Variants in LMO7 observed in about 807,000 individuals in gnomAD.
LMO7 encodes LIM domain 7, also known as LIM domain only protein 7.
LMO7 carries 120 observed loss-of-function variants against 206.5 expected under a neutral mutation model. The ratio of observed to expected loss-of-function variants is 0.58; its 90% confidence interval spans 0.50 to 0.68. The LOEUF (loss-of-function observed/expected upper bound fraction) is 0.68. LMO7 is among the 30% of genes least tolerant of loss of function. The pLI, the probability that LMO7 is intolerant of heterozygous loss-of-function variation, is 0.00. For synonymous variants in LMO7, 706 were observed against 681.5 expected, an observed-to-expected ratio of 1.04 and a Z score of -0.56; for missense variants, 1,959 against 1,957.9, an observed-to-expected ratio of 1.00 and a Z score of -0.01.
chr13:75,804,702 C>A, intron 8 of LMO7, 161 bp downstream of exon 8: 1 of 1,083,858 alleles, frequency 9.2e-7, no homozygotes, highest in Non-Finnish European at 1.3e-6. Context: ...TTATACATAT[C>A]TTGAAGCCAT....
chr13:75,648,354 G>A (rs940579719), intron 1 of LMO7, among the ~76,000 whole-genome samples: 1 of 152,184 alleles, frequency 6.6e-6, no homozygotes, highest in African/African-American at 2.4e-5. Flanking sequence ...TGAGAAAAGA[G>A]AGGTTCAGAG....
chr13:75,797,963 A>G (rs1266943714), intron 6 of LMO7, among the ~76,000 whole-genome samples: 1 of 152,222 alleles, frequency 6.6e-6, no homozygotes, highest in Non-Finnish European at 1.5e-5. Context: ...AGGTGAGCAT[A>G]TTGGTCACTG....
At chr13:75,812,366 T>C (rs2056497121) in intron 11 of LMO7, among the ~76,000 whole-genome samples, 1 of 152,244 alleles carries the variant, frequency 6.6e-6, no homozygotes, top group African/African-American at 2.4e-5. Flanking sequence ...AGAATTCCTA[T>C]AGTACCTGAT....
At chr13:75,723,225 A>G (rs1002024362) in intron 2 of LMO7, among the ~76,000 whole-genome samples, 73 of 152,324 alleles carry the variant, frequency 4.8e-4, no homozygotes, top group African/African-American at 1.7e-3. Context: ...ATTGCTCTTT[A>G]ATTTGTGAAC....
intron 1 of LMO7, among the ~76,000 whole-genome samples, chr13:75,705,061 G>A (rs1331146335): frequency 6.6e-6 from 1 of 152,216 alleles, no homozygotes; most frequent in African/African-American, 2.4e-5. Flanking sequence ...GTTTGGCAGA[G>A]GTGTTGGTGC....
chr13:75,633,722 A>T (rs1366567549), upstream of LMO7, among the ~76,000 whole-genome samples: 1 of 152,216 alleles, frequency 6.6e-6, no homozygotes, highest in African/African-American at 2.4e-5. Context: ...AGTCAGCTGT[A>T]AAAGACATTT....
intron 3 of LMO7, among the ~76,000 whole-genome samples, chr13:75,756,731 AT>A (rs1274071133): frequency 6.6e-6 from 1 of 152,222 alleles, no homozygotes; most frequent in Non-Finnish European, 1.5e-5. Flanking sequence ...GTTCACTGAC[AT>A]TCAAGTTGAG....
At chr13:75,763,384 G>A (rs957625427) in intron 4 of LMO7, among the ~76,000 whole-genome samples, 1 of 152,244 alleles carries the variant, frequency 6.6e-6, no homozygotes, top group African/African-American at 2.4e-5. Flanking sequence ...AAATAGTCAT[G>A]TGGAAATGAA....
At chr13:75,824,797 C>T (rs1317934330) in intron 15 of LMO7, among the ~76,000 whole-genome samples, 2 of 151,618 alleles carry the variant, frequency 1.3e-5, no homozygotes, top group Non-Finnish European at 2.9e-5. Context: ...TATGACTTGT[C>T]CTAAGTTATA....
At chr13:75,691,397 C>T (rs2041463489) in intron 1 of LMO7, among the ~76,000 whole-genome samples, 1 of 152,188 alleles carries the variant, frequency 6.6e-6, no homozygotes, top group Admixed American at 6.5e-5. Flanking sequence ...CTTGGCCTGA[C>T]TTAACAGTAA....
intron 4 of LMO7, among the ~76,000 whole-genome samples, chr13:75,766,886 G>A (rs1441021415): frequency 3.9e-5 from 6 of 152,014 alleles, no homozygotes; most frequent in Non-Finnish European, 1.5e-5. Context: ...TTAAAACCAG[G>A]CTTTGAAGAT....
At chr13:75,825,649 T>TA (rs1344463672) in intron 15 of LMO7, among the ~76,000 whole-genome samples, 1 of 152,192 alleles carries the variant, frequency 6.6e-6, no homozygotes, top group African/African-American at 2.4e-5. Context: ...TGTGGTGACT[T>TA]ACGTATCTCT....
chr13:75,665,356 TATATTATGG>T (rs1275537588), intron 1 of LMO7, among the ~76,000 whole-genome samples: 1 of 152,114 alleles, frequency 6.6e-6, no homozygotes, highest in Non-Finnish European at 1.5e-5. Flanking sequence ...ATTTTTTAAA[TATATTATGG>T]ATGTATTGAA....
At position 75,779,846 on chromosome 13, in the gene LMO7, G is replaced by T. The variant is rs547949506; in HGVS notation, c.318-15555G>T. ...AACCAGCCCCCAATATTTCAATGTA[G>T]GTTCTTTTCTATTTTCCCTAAGTGT... On this transcript the variant is annotated intron_variant, in intron 4 of 30. Coordinates refer to ENST00000377534, the MANE Select transcript of LMO7 (RefSeq NM_001306080.2). Among the ~76,000 whole-genome samples the T allele has an allele frequency of 2.0e-5, 3 of 152,178 alleles. No homozygotes were observed. The South Asian group carries it at 6.3e-4, about 32-fold the overall frequency.
chr13:75,803,536 ATTC>A (rs767245167), intron 7 of LMO7, among the ~76,000 whole-genome samples: 3 of 152,196 alleles, frequency 2.0e-5, no homozygotes, highest in Non-Finnish European at 2.9e-5. Context: ...GAGTAGATTC[ATTC>A]TTCTTCTTTT....
At chr13:75,708,554 C>A (rs2042825558) in intron 1 of LMO7, among the ~76,000 whole-genome samples, 1 of 152,160 alleles carries the variant, frequency 6.6e-6, no homozygotes, top group Admixed American at 6.5e-5. Flanking sequence ...TGTTTCTGGG[C>A]CTATTTCATG....
chr13:75,699,633 T>C (rs1219007245), intron 1 of LMO7, among the ~76,000 whole-genome samples: 3 of 151,920 alleles, frequency 2.0e-5, no homozygotes, highest in Non-Finnish European at 4.4e-5. Context: ...AGTGTACGAA[T>C]AGGGCGTGGG....
At chr13:75,819,630 C>A in intron 13 of LMO7, 95 bp downstream of exon 13, 1 of 1,195,584 alleles carries the variant, frequency 8.4e-7, no homozygotes, top group African/African-American at 1.6e-5. Context: ...CATAGGTGTC[C>A]ACCAATATTC....
intron 2 of LMO7, among the ~76,000 whole-genome samples, chr13:75,716,495 A>G (rs1040354947): frequency 6.6e-6 from 1 of 152,160 alleles, no homozygotes; most frequent in African/African-American, 2.4e-5. Flanking sequence ...ATGAAAGTCT[A>G]TGATTGTAGT....
Sources: gnomAD v4.1 joint callset for allele counts (sites outside exome capture counted in the v4.1 genomes callset) on GRCh38, gnomAD v4.1.1 for gene constraint, MANE v1.5 for transcripts, NCBI Gene and HGNC (gene_info 2026-07-23, HGNC 2026-07-21) for gene names.